Variants in FAR2 observed in about 807,000 individuals in gnomAD.
FAR2 encodes fatty acyl-CoA reductase 2.
In FAR2, 19 loss-of-function variants were observed where a neutral mutation model predicts 56.0. That is an observed-to-expected ratio of 0.34 (90% CI 0.24 to 0.50). The LOEUF is 0.50. Among genes scored for constraint, FAR2 ranks in the 20% least tolerant of loss-of-function variants. The pLI, the probability that FAR2 is intolerant of heterozygous loss-of-function variation, is 0.98. For synonymous variants in FAR2, 219 were observed against 218.8 expected (o/e 1.00, Z -0.01); for missense variants, 508 against 642.2 (o/e 0.79, Z 2.26).
intron 11 of FAR2, chr12:29,333,168 G>A (rs1048565306): frequency 1.2e-5 from 4 of 323,036 alleles, no homozygotes; most frequent in South Asian, 1.1e-4. Flanking sequence ...ATCCCTGAGG[G>A]ACAAGGAATT....
At chr12:29,302,983 T>A (rs532509690) in intron 4 of FAR2, among the ~76,000 whole-genome samples, 1 of 152,322 alleles carries the variant, frequency 6.6e-6, no homozygotes, top group African/African-American at 2.4e-5. Flanking sequence ...ACTTGTCATG[T>A]TTTGCATTTC....
At chr12:29,215,976 C>G (rs1436304899) in intron 1 of FAR2, among the ~76,000 whole-genome samples, 4 of 152,146 alleles carry the variant, frequency 2.6e-5, no homozygotes, top group Non-Finnish European at 5.9e-5. Context: ...CAACATAACT[C>G]TACCTCAGCT....
intron 1 of FAR2, among the ~76,000 whole-genome samples, chr12:29,229,265 A>G (rs1315280478): frequency 6.6e-6 from 1 of 152,208 alleles, no homozygotes; most frequent in East Asian, 1.9e-4. Flanking sequence ...ATCCTTACGA[A>G]AAACTGAGGC....
At position 29,333,858 on chromosome 12, in the gene FAR2, T is replaced by C; in HGVS notation, c.*64T>C. ...ATACCTCTAAAACAGCAAACTGTGA[T>C]TCTCAAGATTAGAAAGTAACAAGGA... On this transcript the variant is annotated 3_prime_UTR_variant, in exon 12 of 12. Coordinates refer to ENST00000536681, the MANE Select transcript of FAR2 (RefSeq NM_001271783.2). 1 of 1,456,420 alleles carries C rather than the reference T, an allele frequency of 6.9e-7. No individual in the cohort carries two copies. The highest frequency in any genetic ancestry group is 1.2e-5 in the South Asian group (1 of 80,272). 90.2% of individuals were successfully genotyped at this position (1,456,420 alleles called of 1,614,324 possible).
chr12:29,177,149 A>C (rs946116306), intron 1 of FAR2, among the ~76,000 whole-genome samples: 11 of 152,238 alleles, frequency 7.2e-5, no homozygotes, highest in Non-Finnish European at 1.6e-4. Flanking sequence ...TGAATGATGC[A>C]ACAGGAAATG....
In FAR2 at chr12:29,176,075, G is replaced by A. The variant is rs142218004; in HGVS notation, c.-39+26668G>A. ...GCACTTCTGTAGTTTTATAAGATAC[G>A]TACATAGTAATTAAATTTTCAAAAG... On this transcript the variant is annotated intron_variant, in intron 1 of 11. Transcript: ENST00000536681. 4.3e-4 allele frequency among the ~76,000 whole-genome samples: 65 copies of A among 152,258 alleles called. No homozygotes were observed. In the East Asian group the frequency reaches 0.011, roughly 27 times the overall value.
intron 1 of FAR2, among the ~76,000 whole-genome samples, chr12:29,185,646 A>G (rs1399023319): frequency 6.6e-6 from 1 of 152,268 alleles, no homozygotes; most frequent in Non-Finnish European, 1.5e-5. Context: ...ATAAAAATTC[A>G]GCAGTGGAAA....
At position 29,334,845 on chromosome 12, in the gene FAR2, A is replaced by G. The variant is rs1485620514; in HGVS notation, c.*1051A>G. 1 of 152,226 alleles carries G rather than the reference A, an allele frequency of 6.6e-6. No homozygotes were observed. Among genetic ancestry groups the G allele is most frequent in the African/African-American group, 2.4e-5 (1 of 41,462 alleles). 9.4% of individuals were successfully genotyped at this position (152,226 alleles called of 1,614,324 possible). On this transcript the variant is annotated 3_prime_UTR_variant, in exon 12 of 12. Transcript: ENST00000536681. ...TACAACACACAGCAGAAAAGTGAAT[A>G]GACTTCACTAAGGGATTCTAAGTTT...
intron 4 of FAR2, among the ~76,000 whole-genome samples, chr12:29,301,198 T>A (rs578228306): frequency 6.6e-6 from 1 of 152,338 alleles, no homozygotes; most frequent in South Asian, 2.1e-4. Context: ...AAAAATAACT[T>A]AAATCAGGAG....
At chr12:29,181,300 A>G (rs189577162) in intron 1 of FAR2, among the ~76,000 whole-genome samples, 1 of 152,338 alleles carries the variant, frequency 6.6e-6, no homozygotes, top group Admixed American at 6.5e-5. Flanking sequence ...CTAAAATAGT[A>G]TCATTAATAT....
intron 1 of FAR2, among the ~76,000 whole-genome samples, chr12:29,193,347 G>C (rs1188615778): frequency 4.6e-5 from 7 of 152,100 alleles, no homozygotes; most frequent in South Asian, 2.1e-4. Flanking sequence ...CACCATTATA[G>C]TATCTTACAG....
chr12:29,269,686 T>C (rs1399690842), intron 1 of FAR2, among the ~76,000 whole-genome samples: 1 of 152,238 alleles, frequency 6.6e-6, no homozygotes, highest in Non-Finnish European at 1.5e-5. Flanking sequence ...TAAATGTCTA[T>C]GAAATCTTCA....
rs866021336 is a variant in FAR2, at chr12:29,201,282, A to C, written c.-39+51875A>C. 2.0e-5 allele frequency among the ~76,000 whole-genome samples: 3 copies of C among 152,202 alleles called. No individual in the cohort carries two copies. The South Asian group carries it at 6.2e-4, about 32-fold the overall frequency. ...ACAGTCTTTTCTTTAGGTCTTCACAAGACATGTTTGTTTTAAACACAATTC... is the reference window on the plus strand; with the variant it reads ...ACAGTCTTTTCTTTAGGTCTTCACACGACATGTTTGTTTTAAACACAATTC... On this transcript the variant is annotated intron_variant, in intron 1 of 11. Transcript: ENST00000536681.
At chr12:29,265,357 T>G (rs112503030) in intron 1 of FAR2, among the ~76,000 whole-genome samples, 2 of 152,010 alleles carry the variant, frequency 1.3e-5, no homozygotes, top group Admixed American at 6.6e-5. Context: ...GAGCAGAGAA[T>G]CTAGAAACAA....
intron 1 of FAR2, among the ~76,000 whole-genome samples, chr12:29,155,243 A>T (rs1949717062): frequency 6.6e-6 from 1 of 152,232 alleles, no homozygotes; most frequent in Admixed American, 6.5e-5. Context: ...GTCCCGTGGT[A>T]GGCCTGGGCC....
At chr12:29,154,872 A>G (rs1272036365) in intron 1 of FAR2, among the ~76,000 whole-genome samples, 1 of 152,234 alleles carries the variant, frequency 6.6e-6, no homozygotes, top group Non-Finnish European at 1.5e-5. Flanking sequence ...GAGAGCCAGC[A>G]TTCAGCATAA....
At chr12:29,252,551 T>C (rs1263101357) in intron 1 of FAR2, among the ~76,000 whole-genome samples, 4 of 152,264 alleles carry the variant, frequency 2.6e-5, no homozygotes, top group African/African-American at 9.6e-5. Flanking sequence ...TGTCCGCTTA[T>C]CATGCAACAT....
At chr12:29,181,759 G>T (rs907859604) in intron 1 of FAR2, among the ~76,000 whole-genome samples, 2 of 152,164 alleles carry the variant, frequency 1.3e-5, no homozygotes, top group African/African-American at 4.8e-5. Context: ...TTTTTTCTGT[G>T]CTTTAATCTC....
chr12:29,236,869 A>G (rs1947951573), intron 1 of FAR2, among the ~76,000 whole-genome samples: 1 of 152,284 alleles, frequency 6.6e-6, no homozygotes, highest in Non-Finnish European at 1.5e-5. Context: ...GCAACAGAGC[A>G]TCAACCCCAC....
Sources: allele counts gnomAD v4.1 joint callset (sites outside exome capture counted in the v4.1 genomes callset), GRCh38; gene constraint gnomAD v4.1.1; transcripts MANE v1.5; gene names NCBI Gene and HGNC (gene_info 2026-07-23, HGNC 2026-07-21).